The following ERC2 variants were observed in gnomAD, a reference collection of about 807,000 sequenced individuals.
The protein encoded by ERC2 is ERC protein 2.
In ERC2, 42 loss-of-function variants were observed where a neutral mutation model predicts 114.8. That is an observed-to-expected ratio of 0.37 (90% CI 0.29 to 0.47). ERC2 has a LOEUF of 0.47. Ranked by LOEUF, ERC2 falls within the 20% of genes least tolerant of loss-of-function variation. The pLI is 0.99. For missense variants in ERC2, 939 were observed against 1,150.7 expected (o/e 0.82, Z 2.66); for synonymous variants, 454 against 425.5 (o/e 1.07, Z -0.82).
chr3:56,060,534 C>G (rs1034689527), intron 7 of ERC2, among the ~76,000 whole-genome samples: 3 of 152,216 alleles, frequency 2.0e-5, no homozygotes. Flanking sequence ...CACATTCTGT[C>G]TTTCATCTAA....
chr3:56,203,887 G>C (rs911766657), intron 3 of ERC2, among the ~76,000 whole-genome samples: 42 of 152,124 alleles, frequency 2.8e-4, no homozygotes, highest in African/African-American at 1.0e-3. Flanking sequence ...ATTGCTTTAG[G>C]AAAAAACTAA....
At chr3:55,797,198 G>A (rs2070587528) in intron 14 of ERC2, among the ~76,000 whole-genome samples, 1 of 152,048 alleles carries the variant, frequency 6.6e-6, no homozygotes. Context: ...TGCATTGCTG[G>A]GCTCATAGGA....
chr3:56,099,343 G>A (rs2078227104), intron 6 of ERC2, among the ~76,000 whole-genome samples: 1 of 152,176 alleles, frequency 6.6e-6, no homozygotes. Context: ...GGCTGTCCTA[G>A]AAAACTTATA....
intron 2 of ERC2, among the ~76,000 whole-genome samples, chr3:56,350,039 C>T (rs2058491647): frequency 6.6e-6 from 1 of 152,152 alleles, no homozygotes; most frequent in Non-Finnish European, 1.5e-5. Context: ...ACATATACCC[C>T]TGAAACTAAA....
At chr3:55,547,912 C>T (rs377648878) in intron 17 of ERC2, among the ~76,000 whole-genome samples, 70 of 152,316 alleles carry the variant, frequency 4.6e-4, no homozygotes, top group African/African-American at 1.5e-3. Context: ...GGGAGACAAG[C>T]AGTTTTCCTG....
intron 5 of ERC2, among the ~76,000 whole-genome samples, chr3:56,141,645 T>G (rs2080861208): frequency 6.6e-6 from 1 of 152,220 alleles, no homozygotes; most frequent in Non-Finnish European, 1.5e-5. Flanking sequence ...AAAGTATTTT[T>G]TAATCAGTAG....
At chr3:55,915,170 A>G (rs775538712) in intron 13 of ERC2, among the ~76,000 whole-genome samples, 6 of 152,190 alleles carry the variant, frequency 3.9e-5, no homozygotes, top group Non-Finnish European at 7.3e-5. Flanking sequence ...TTTACCAAGT[A>G]TATAAACCCT....
At chr3:56,349,044 A>C (rs926115285) in intron 2 of ERC2, among the ~76,000 whole-genome samples, 3 of 152,174 alleles carry the variant, frequency 2.0e-5, no homozygotes, top group African/African-American at 7.2e-5. Context: ...CCCTCAAAAA[A>C]TCTGTGATTC....
chr3:55,520,028 C>G (rs1210777693), intron 17 of ERC2, among the ~76,000 whole-genome samples: 2 of 148,182 alleles, frequency 1.3e-5, no homozygotes, highest in Non-Finnish European at 3.0e-5. Context: ...GCACCCCAGC[C>G]TGGGTGATAG....
At chr3:55,843,631 G>C (rs1039816046) in intron 14 of ERC2, among the ~76,000 whole-genome samples, 3 of 152,166 alleles carry the variant, frequency 2.0e-5, no homozygotes, top group African/African-American at 4.8e-5. Flanking sequence ...CTTTCTGAAG[G>C]CTTGAAATAT....
intron 3 of ERC2, among the ~76,000 whole-genome samples, chr3:56,201,640 C>G (rs1395788353): frequency 6.6e-6 from 1 of 152,208 alleles, no homozygotes; most frequent in Non-Finnish European, 1.5e-5. Flanking sequence ...AAGGACTGAT[C>G]AAAGCCATTT....
At chr3:55,638,859 A>T (rs958200515) in intron 17 of ERC2, among the ~76,000 whole-genome samples, 1 of 152,230 alleles carries the variant, frequency 6.6e-6, no homozygotes, top group African/African-American at 2.4e-5. Flanking sequence ...ACATTAGAAT[A>T]GTATTATTGG....
intron 2 of ERC2, among the ~76,000 whole-genome samples, chr3:56,330,745 C>A (rs746292635): frequency 7.9e-4 from 119 of 151,558 alleles, no homozygotes; most frequent in Middle Eastern, 3.4e-3. Flanking sequence ...TTCCAAAATC[C>A]AAAAAAAATT....
intron 17 of ERC2, among the ~76,000 whole-genome samples, chr3:55,655,821 G>A (rs142109627): frequency 1.3e-5 from 2 of 152,376 alleles, no homozygotes; most frequent in Admixed American, 6.5e-5. Flanking sequence ...AGCAAGAAGA[G>A]AGCCACTAAC....
chr3:55,986,111 C>T lies in ERC2; in HGVS notation c.2256-123G>A, dbSNP rs546171930. 3.2e-6 allele frequency: 3 copies of T among 945,452 alleles called. No individual in the cohort carries two copies. In the South Asian group the frequency reaches 4.4e-5, roughly 14 times the overall value. 58.6% of individuals were successfully genotyped at this position (945,452 alleles called of 1,614,324 possible). A position where few individuals can be genotyped will look rare whatever the true frequency, so the allele number is the denominator to read the frequency against. Reference sequence around the variant, plus strand: ...AACATATAGCCAACAGATGTTATATCAGCAGGTTTATAACTAAACGAAGCA... The same window carrying T: ...AACATATAGCCAACAGATGTTATATTAGCAGGTTTATAACTAAACGAAGCA... On this transcript the variant is annotated intron_variant, in intron 11 of 17. Transcript: ENST00000288221.
At chr3:55,853,039 C>T (rs753375752) in intron 14 of ERC2, among the ~76,000 whole-genome samples, 7 of 152,112 alleles carry the variant, frequency 4.6e-5, no homozygotes, top group South Asian at 2.1e-4. Flanking sequence ...GTTTTAACAA[C>T]GAAAAATGTC....
In ERC2 at chr3:56,404,378, G is replaced by C. The variant is rs564532356; in HGVS notation, c.657+29973C>G. Among the ~76,000 whole-genome samples the C allele has an allele frequency of 2.0e-5, 3 of 152,096 alleles. No individual in the cohort carries two copies. In the East Asian group the frequency reaches 5.8e-4, roughly 29 times the overall value. ...ATCATGCATATTAATTATTCAGTGT[G>C]GATAAATGTACAAATGCACTAGGAA... is the stretch of plus-strand genomic sequence containing the variant. On this transcript the variant is annotated intron_variant, in intron 2 of 17. Coordinates refer to ENST00000288221, the MANE Select transcript of ERC2 (RefSeq NM_015576.3).
intron 14 of ERC2, among the ~76,000 whole-genome samples, chr3:55,847,212 A>G (rs1463550574): frequency 6.6e-6 from 1 of 152,222 alleles, no homozygotes; most frequent in African/African-American, 2.4e-5. Context: ...AAATGGGAGA[A>G]CTTTACAGGC....
intron 1 of ERC2, among the ~76,000 whole-genome samples, chr3:56,438,638 T>C (rs2062141994): frequency 6.6e-6 from 1 of 152,240 alleles, no homozygotes; most frequent in Admixed American, 6.5e-5. Flanking sequence ...AATCTAGATG[T>C]CTGGGTTCTA....
Sources: gnomAD v4.1 joint callset for allele counts (sites outside exome capture counted in the v4.1 genomes callset) on GRCh38, gnomAD v4.1.1 for gene constraint, MANE v1.5 for transcripts, NCBI Gene and HGNC (gene_info 2026-07-23, HGNC 2026-07-21) for gene names.